Variants in MACROD2 observed in about 807,000 individuals in gnomAD.
MACROD2 encodes ADP-ribose glycohydrolase MACROD2.
In MACROD2, 36 loss-of-function variants were observed where a neutral mutation model predicts 70.4. The observed-to-expected ratio is 0.51, with a 90% CI of 0.39 to 0.68. The LOEUF (loss-of-function observed/expected upper bound fraction) is 0.68. Ranked by LOEUF, MACROD2 falls within the 30% of genes least tolerant of loss-of-function variation. The probability of loss-of-function intolerance (pLI) is 0.00; values close to 1 mark genes in which losing one functional copy is unlikely to be tolerated. For synonymous variants in MACROD2, 172 were observed against 178.8 expected, an observed-to-expected ratio of 0.96 and a Z score of 0.30; for missense variants, 496 against 538.4, an observed-to-expected ratio of 0.92 and a Z score of 0.78.
chr20:15,722,697 C>T (rs1327576755), intron 8 of MACROD2, among the ~76,000 whole-genome samples: 1 of 151,918 alleles, frequency 6.6e-6, no homozygotes, highest in African/African-American at 2.4e-5. Context: ...TTACTCTTTG[C>T]ATGATATCTT....
chr20:15,149,540 C>A (rs2076254072), intron 5 of MACROD2, among the ~76,000 whole-genome samples: 1 of 151,866 alleles, frequency 6.6e-6, no homozygotes, highest in South Asian at 2.1e-4. Context: ...GGAGACTCAA[C>A]AAAGAGTGAG....
At chr20:15,317,008 G>T (rs541459436) in intron 6 of MACROD2, among the ~76,000 whole-genome samples, 2 of 151,916 alleles carry the variant, frequency 1.3e-5, no homozygotes, top group Non-Finnish European at 2.9e-5. Flanking sequence ...TCCTAAACAT[G>T]AATGAAAATA....
chr20:15,687,658 C>T (rs2146871644), intron 8 of MACROD2, among the ~76,000 whole-genome samples: 1 of 152,230 alleles, frequency 6.6e-6, no homozygotes, highest in East Asian at 1.9e-4. Context: ...CTGACTTAGA[C>T]TTTGTATTCT....
intron 5 of MACROD2, among the ~76,000 whole-genome samples, chr20:14,962,527 TTCTCTCTC>T (rs1410453703): frequency 2.9e-5 from 4 of 135,952 alleles, no homozygotes; most frequent in African/African-American, 1.2e-4. Flanking sequence ...CTCTCTCTCT[TTCTCTCTC>T]TCTCTCTTTC....
chr20:14,596,143 T>TG (rs1297197445), intron 4 of MACROD2, among the ~76,000 whole-genome samples: 1 of 151,758 alleles, frequency 6.6e-6, no homozygotes, highest in East Asian at 1.9e-4. Flanking sequence ...TGGAGTGCAG[T>TG]GGCACGATCT....
intron 4 of MACROD2, among the ~76,000 whole-genome samples, chr20:14,631,413 G>A (rs1984497338): frequency 6.6e-6 from 1 of 152,112 alleles, no homozygotes; most frequent in African/African-American, 2.4e-5. Context: ...CACTCATTCT[G>A]TTTTCTGGAA....
At chr20:14,293,171 C>A (rs1601442936) in intron 3 of MACROD2, among the ~76,000 whole-genome samples, 2 of 151,608 alleles carry the variant, frequency 1.3e-5, no homozygotes, top group East Asian at 3.9e-4. Context: ...ATTTACCCAA[C>A]AAATATTATT....
intron 7 of MACROD2, among the ~76,000 whole-genome samples, chr20:15,484,817 T>A (rs2047144072): frequency 6.6e-6 from 1 of 152,280 alleles, no homozygotes; most frequent in East Asian, 1.9e-4. Context: ...GAGCCTCTAG[T>A]AATCCGTCAG....
chr20:15,007,447 G>C (rs1359068877), intron 5 of MACROD2, among the ~76,000 whole-genome samples: 3 of 152,010 alleles, frequency 2.0e-5, no homozygotes, highest in Non-Finnish European at 4.4e-5. Flanking sequence ...ATACTCTCTT[G>C]TTCAATTTTA....
At chr20:14,116,178 A>G (rs2054511346) in intron 3 of MACROD2, among the ~76,000 whole-genome samples, 1 of 152,200 alleles carries the variant, frequency 6.6e-6, no homozygotes, top group Admixed American at 6.5e-5. Context: ...TCCACTCATA[A>G]AGTGAACTAT....
At chr20:15,691,078 G>C (rs546574134) in intron 8 of MACROD2, among the ~76,000 whole-genome samples, 3 of 152,312 alleles carry the variant, frequency 2.0e-5, no homozygotes, top group African/African-American at 7.2e-5. Flanking sequence ...CAGAGGGAAA[G>C]TTGCTCTGAC....
chr20:14,593,841 G>C (rs1462283840), intron 4 of MACROD2, among the ~76,000 whole-genome samples: 3 of 152,012 alleles, frequency 2.0e-5, no homozygotes, highest in Non-Finnish European at 4.4e-5. Context: ...TTTGAAAATT[G>C]TCTTTTACTT....
At chr20:15,995,478 T>G (rs1343230360) in intron 15 of MACROD2, among the ~76,000 whole-genome samples, 3 of 151,496 alleles carry the variant, frequency 2.0e-5, no homozygotes, top group Non-Finnish European at 2.9e-5. Context: ...GCCTCCTGAG[T>G]AGCTGGGACT....
At chr20:15,293,236 C>T (rs534174257) in intron 6 of MACROD2, among the ~76,000 whole-genome samples, 3 of 152,290 alleles carry the variant, frequency 2.0e-5, no homozygotes, top group South Asian at 2.1e-4. Flanking sequence ...TCTATTTATT[C>T]GTCATATGCA....
chr20:14,021,950 G>T (rs2053088339), intron 2 of MACROD2, among the ~76,000 whole-genome samples: 1 of 152,164 alleles, frequency 6.6e-6, no homozygotes, highest in Non-Finnish European at 1.5e-5. Context: ...GTTGGAGGCT[G>T]TTATGAGCTA....
At chr20:15,147,968 G>A (rs1430410507) in intron 5 of MACROD2, among the ~76,000 whole-genome samples, 1 of 152,128 alleles carries the variant, frequency 6.6e-6, no homozygotes, top group Non-Finnish European at 1.5e-5. Context: ...ATCAGTTAAG[G>A]CAGGAACCGG....
At chr20:15,833,973 A>G (rs140000922) in intron 8 of MACROD2, among the ~76,000 whole-genome samples, 229 of 152,176 alleles carry the variant, frequency 1.5e-3, no homozygotes, top group African/African-American at 5.3e-3. Context: ...TTTCCAGGTG[A>G]CTTTGGGTAA....
rs530462110 is a variant in MACROD2 at position 15,004,629 on chromosome 20, CT to C, written c.419-225301del. ...ACAAGTTAAATAACAGCAACGGCCACTTTTTTTTTTCTCACCTGCAAACTGT... is the reference window on the plus strand; with the variant it reads ...ACAAGTTAAATAACAGCAACGGCCACTTTTTTTTTCTCACCTGCAAACTGT... On this transcript the variant is annotated intron_variant, in intron 5 of 17. Coordinates refer to ENST00000684519, the MANE Select transcript of MACROD2 (RefSeq NM_001351661.2). 1.9e-3 allele frequency among the ~76,000 whole-genome samples: 287 copies of C among 149,938 alleles called. 3 individuals carry two copies. Among genetic ancestry groups the C allele is most frequent in the Non-Finnish European group, 3.2e-3 (217 of 67,342 alleles).
At chr20:15,505,369 A>G (rs2047413116) in intron 8 of MACROD2, among the ~76,000 whole-genome samples, 1 of 152,142 alleles carries the variant, frequency 6.6e-6, no homozygotes, top group African/African-American at 2.4e-5. Context: ...GTGGAACCCT[A>G]AAGTACTGAT....
Sources: gnomAD v4.1 joint callset for allele counts (sites outside exome capture counted in the v4.1 genomes callset) on GRCh38, gnomAD v4.1.1 for gene constraint, MANE v1.5 for transcripts, NCBI Gene and HGNC (gene_info 2026-07-23, HGNC 2026-07-21) for gene names.